Variants in CLIC5 observed in about 807,000 individuals in gnomAD.
CLIC5 encodes chloride intracellular channel protein 5.
Under a neutral mutation model 24.7 loss-of-function variants are expected in CLIC5, and 20 were observed. That is an observed-to-expected ratio of 0.81 (90% CI 0.57 to 1.18). CLIC5 has a LOEUF of 1.18. CLIC5 is among the 50% of genes most tolerant of loss of function. The pLI, the probability that CLIC5 is intolerant of heterozygous loss-of-function variation, is 0.00. For synonymous variants in CLIC5, 159 were observed against 135.6 expected (o/e 1.17, Z -1.20); for missense variants, 341 against 326.1 (o/e 1.05, Z -0.35).
At position 45,941,402 on chromosome 6, in the gene CLIC5, C is replaced by CGG. The variant is rs11421773; in HGVS notation, c.406+143_406+144dup. 86 of 636,996 alleles carry CGG rather than the reference C, an allele frequency of 1.4e-4. 1 individual carries two copies. Among genetic ancestry groups the CGG allele is most frequent in the South Asian group, 9.6e-4 (53 of 55,112 alleles). 39.5% of individuals were successfully genotyped at this position (636,996 alleles called of 1,614,324 possible). A position where few individuals can be genotyped will look rare whatever the true frequency, so the allele number is the denominator to read the frequency against. ...GTCAAGGGGGACAAGATGGTGGTGG[C>CGG]GGGGGGTGGGGGCAAATAATAAGCA... On this transcript the variant is annotated intron_variant, in intron 4 of 5. Coordinates refer to ENST00000339561, the MANE Select transcript of CLIC5 (RefSeq NM_016929.5).
At chr6:45,914,805 G>C (rs1320039002) in intron 4 of CLIC5, among the ~76,000 whole-genome samples, 1 of 150,514 alleles carries the variant, frequency 6.6e-6, no homozygotes, top group Non-Finnish European at 1.5e-5. Context: ...ACAAAAATTA[G>C]CTGGGCATGG....
downstream of CLIC5, among the ~76,000 whole-genome samples, chr6:45,896,090 T>C (rs1328673476): frequency 2.0e-5 from 3 of 152,230 alleles, no homozygotes; most frequent in Admixed American, 6.5e-5. Context: ...CTCAGGGTCA[T>C]GTTTATTGCA....
At chr6:45,915,701 A>G (rs1233395311) in intron 4 of CLIC5, among the ~76,000 whole-genome samples, 1 of 152,242 alleles carries the variant, frequency 6.6e-6, no homozygotes, top group African/African-American at 2.4e-5. Context: ...TATCTGTCAC[A>G]TAATTTATTT....
intron 1 of CLIC5, among the ~76,000 whole-genome samples, chr6:46,068,430 C>T (rs911619299): frequency 5.9e-5 from 9 of 152,124 alleles, no homozygotes; most frequent in Admixed American, 1.3e-4. Flanking sequence ...AACTTATTTC[C>T]TCCCTCCTTC....
At chr6:46,043,159 A>T (rs1767858004) in intron 1 of CLIC5, among the ~76,000 whole-genome samples, 1 of 152,232 alleles carries the variant, frequency 6.6e-6, no homozygotes, top group Non-Finnish European at 1.5e-5. Flanking sequence ...TGCAACAGTG[A>T]TGATGAGACT....
chr6:46,099,073 T>G, the CLIC5 span, among the ~76,000 whole-genome samples: 6 of 152,290 alleles, frequency 3.9e-5, no homozygotes, highest in South Asian at 1.2e-3. Context: ...ACACCAAGTT[T>G]TATCTTATTA....
chr6:46,032,967 G>C (rs1273811092), intron 1 of CLIC5, among the ~76,000 whole-genome samples: 2 of 150,970 alleles, frequency 1.3e-5, no homozygotes, highest in Non-Finnish European at 2.9e-5. Context: ...TAAGGGTAGG[G>C]CCTGGAAATC....
intron 1 of CLIC5, among the ~76,000 whole-genome samples, chr6:45,987,662 G>T (rs1765789421): frequency 6.6e-6 from 1 of 152,158 alleles, no homozygotes. Context: ...TGATTGCTGT[G>T]GGGGCCTTCT....
chr6:46,073,306 A>T (rs745556557), intron 1 of CLIC5, among the ~76,000 whole-genome samples: 1 of 152,158 alleles, frequency 6.6e-6, no homozygotes, highest in African/African-American at 2.4e-5. Flanking sequence ...CTGAATCCAT[A>T]TATCTCCCCC....
chr6:45,978,157 TA>T (rs1228312367), intron 1 of CLIC5, among the ~76,000 whole-genome samples: 1 of 152,232 alleles, frequency 6.6e-6, no homozygotes, highest in African/African-American at 2.4e-5. Flanking sequence ...ATTGTCCATG[TA>T]AAGCATTTAG....
intron 1 of CLIC5, among the ~76,000 whole-genome samples, chr6:45,981,679 C>T (rs1006525221): frequency 1.3e-5 from 2 of 152,122 alleles, no homozygotes; most frequent in Non-Finnish European, 1.5e-5. Flanking sequence ...ACCAAGGGAA[C>T]CACTCTGGAG....
chr6:46,026,378 T>C (rs1175655118), intron 1 of CLIC5, among the ~76,000 whole-genome samples: 2 of 152,196 alleles, frequency 1.3e-5, no homozygotes, highest in Non-Finnish European at 2.9e-5. Context: ...ATAAAACATT[T>C]TCTGGTCCTA....
chr6:45,885,043 G>C (rs994559742), intron 6 of CLIC5, among the ~76,000 whole-genome samples: 1 of 131,386 alleles, frequency 7.6e-6, no homozygotes. Flanking sequence ...ATCTAATTGA[G>C]AGACTCCCCA....
intron 1 of CLIC5, among the ~76,000 whole-genome samples, chr6:46,066,411 G>C (rs1379102599): frequency 2.0e-5 from 3 of 152,030 alleles, no homozygotes; most frequent in Non-Finnish European, 2.9e-5. Context: ...ACTTGCCATA[G>C]ACCCCACTCT....
chr6:45,963,831 A>T (rs1764930729), intron 1 of CLIC5, among the ~76,000 whole-genome samples: 1 of 152,196 alleles, frequency 6.6e-6, no homozygotes, highest in Admixed American at 6.5e-5. Flanking sequence ...GTTACTAGAT[A>T]CTTGAGGTTT....
At chr6:46,121,329 C>T in the CLIC5 span, among the ~76,000 whole-genome samples, 1 of 152,134 alleles carries the variant, frequency 6.6e-6, no homozygotes, top group Non-Finnish European at 1.5e-5. Context: ...TCCAGCCAAA[C>T]TAAGCTTCAC....
intron 5 of CLIC5, among the ~76,000 whole-genome samples, chr6:45,909,921 C>T (rs113340554): frequency 0.01 from 1,560 of 152,210 alleles, 20 homozygotes; most frequent in African/African-American, 0.033. Context: ...GCTTTTGTCT[C>T]CATTTTGGTG....
intron 1 of CLIC5, among the ~76,000 whole-genome samples, chr6:46,075,081 A>G (rs549931340): frequency 6.6e-6 from 1 of 152,236 alleles, no homozygotes; most frequent in Non-Finnish European, 1.5e-5. Flanking sequence ...ATATATTGAC[A>G]TTTACCATAT....
At chr6:46,083,519 C>T (rs1762966590), upstream of CLIC5, among the ~76,000 whole-genome samples, 1 of 152,058 alleles carries the variant, frequency 6.6e-6, no homozygotes, top group Non-Finnish European at 1.5e-5. Context: ...TTTCTGCCTT[C>T]ATTTCATTAT....
Sources: gnomAD v4.1 joint callset for allele counts (sites outside exome capture counted in the v4.1 genomes callset) on GRCh38, gnomAD v4.1.1 for gene constraint, MANE v1.5 for transcripts, NCBI Gene and HGNC (gene_info 2026-07-23, HGNC 2026-07-21) for gene names.